Variants in HSDL2 observed in about 807,000 individuals in gnomAD.
HSDL2 encodes hydroxysteroid dehydrogenase like 2.
HSDL2 carries 27 observed loss-of-function variants against 46.3 expected under a neutral mutation model. That is an observed-to-expected ratio of 0.58 (90% confidence interval 0.43 to 0.80). The LOEUF (loss-of-function observed/expected upper bound fraction) is 0.80. HSDL2 is among the 30% of genes least tolerant of loss of function. HSDL2 has a pLI of 0.00. For synonymous variants in HSDL2, 153 were observed against 163.6 expected (o/e 0.94, Z 0.50); for missense variants, 451 against 502.7 (o/e 0.90, Z 0.98).
At chr9:112,449,732 G>A (rs59407950) in intron 8 of HSDL2, among the ~76,000 whole-genome samples, 1 of 151,830 alleles carries the variant, frequency 6.6e-6, no homozygotes, top group Admixed American at 6.6e-5. Context: ...GGGTGTGGTG[G>A]TGCACATCTG....
chr9:112,451,772 A>ATTTTTTTT, intron 8 of HSDL2, among the ~76,000 whole-genome samples: 1 of 152,078 alleles, frequency 6.6e-6, no homozygotes, highest in Non-Finnish European at 1.5e-5. Context: ...AGAGATTTGA[A>ATTTTTTTT]GGATCGGCAG....
intron 6 of HSDL2, among the ~76,000 whole-genome samples, chr9:112,428,877 G>A (rs1193998782): frequency 6.6e-6 from 1 of 152,014 alleles, no homozygotes; most frequent in Non-Finnish European, 1.5e-5. Flanking sequence ...TTCCCTCTTT[G>A]TACCTCCCTT....
chr9:112,418,180 G>A (rs1238749973), intron 5 of HSDL2, among the ~76,000 whole-genome samples: 1 of 152,104 alleles, frequency 6.6e-6, no homozygotes, highest in African/African-American at 2.4e-5. Context: ...AATATTAGGA[G>A]GGAGATATAT....
intron 1 of HSDL2, among the ~76,000 whole-genome samples, chr9:112,395,518 C>T (rs1831435374): frequency 6.6e-6 from 1 of 152,228 alleles, no homozygotes; most frequent in Non-Finnish European, 1.5e-5. Context: ...TGTTCAGCAG[C>T]ATTCCCTGAG....
At chr9:112,417,477 T>TAA (rs71491043) in intron 5 of HSDL2, among the ~76,000 whole-genome samples, 68 of 111,090 alleles carry the variant, frequency 6.1e-4, no homozygotes, top group African/African-American at 2.1e-3. Context: ...ACCCTGACTC[T>TAA]AAAAAAAAAA....
In HSDL2 at chr9:112,459,574, T is replaced by G. The variant is rs755528134; in HGVS notation, c.1141T>G (p.Ser381Ala). The G allele has an allele frequency of 8.1e-6, 13 of 1,613,120 alleles. No homozygotes were observed. In the Admixed American group the frequency reaches 2.2e-4, roughly 27 times the overall value. ...MTTDDFVKMF[S>A]GKLKPTMAFM... ...TACTGATGACTTTGTAAAAATGTTT[T>G]CAGGTGAGTTTTCCAGTTTATTAGT... Residue 381 changes from serine to alanine, a missense_variant, in exon 10 of 11, where the codon TCA becomes GCA. Transcript: ENST00000398805.
rs527930574 is a variant in HSDL2, at chr9:112,436,242, C to CAA, written c.599-2165_599-2164dup. Among the ~76,000 whole-genome samples, 311 of 77,404 alleles carry CAA rather than the reference C, an allele frequency of 4.0e-3. 2 individuals carry two copies. Among genetic ancestry groups the CAA allele is most frequent in the African/African-American group, 0.01 (233 of 22,314 alleles). The allele number at this position is 77,404 out of a possible 152,430, so 50.8% of individuals were successfully genotyped here. Reference sequence around the variant, plus strand: ...TGGGTGACAGTGTGAGACCCTATCTCAAAAAAAAAAAAAAAAAAAAAAAAA... The same window carrying CAA: ...TGGGTGACAGTGTGAGACCCTATCTCAAAAAAAAAAAAAAAAAAAAAAAAAAA... On this transcript the variant is annotated intron_variant, in intron 6 of 10. Coordinates refer to ENST00000398805, the MANE Select transcript of HSDL2 (RefSeq NM_032303.5).
intron 9 of HSDL2, among the ~76,000 whole-genome samples, chr9:112,457,092 G>A (rs1833054057): frequency 6.6e-6 from 1 of 152,006 alleles, no homozygotes; most frequent in Admixed American, 6.5e-5. Context: ...AGGTTGCGGT[G>A]AGCCCAGATC....
In HSDL2 at chr9:112,429,936, A is replaced by G. The variant is rs562120792; in HGVS notation, c.599-8495A>G. 4.6e-5 allele frequency among the ~76,000 whole-genome samples: 7 copies of G among 152,264 alleles called. No individual in the cohort carries two copies. In the South Asian group the frequency reaches 1.5e-3, roughly 32 times the overall value. Reference sequence around the variant, plus strand: ...GCAGAACTCCATATCTACAAAAAGTAGCAGGGTGTGGTGGTGTGCGCCTGT... The same window carrying G: ...GCAGAACTCCATATCTACAAAAAGTGGCAGGGTGTGGTGGTGTGCGCCTGT... On this transcript the variant is annotated intron_variant, in intron 6 of 10. Coordinates refer to ENST00000398805, the MANE Select transcript of HSDL2 (RefSeq NM_032303.5).
chr9:112,446,893 T>C (rs572878686), intron 8 of HSDL2, among the ~76,000 whole-genome samples: 5 of 152,326 alleles, frequency 3.3e-5, no homozygotes, highest in Non-Finnish European at 7.3e-5. Context: ...AGACAGCTTC[T>C]GATCTTAGTT....
intron 6 of HSDL2, among the ~76,000 whole-genome samples, chr9:112,429,000 G>A (rs1832320068): frequency 6.6e-6 from 1 of 152,196 alleles, no homozygotes; most frequent in South Asian, 2.1e-4. Flanking sequence ...CCAGGTTCAA[G>A]CGATTCTCAG....
At chr9:112,380,246 C>A in intron 1 of HSDL2, 66 bp downstream of exon 1, 1 of 1,467,328 alleles carries the variant, frequency 6.8e-7, no homozygotes, top group Non-Finnish European at 9.1e-7. Flanking sequence ...GGTGGGGCCG[C>A]CGCGGATCGC....
At position 112,459,806 on chromosome 9, in the gene HSDL2, A is replaced by G. The variant is rs370190190; in HGVS notation, c.1144+229A>G. Among the ~76,000 whole-genome samples, 4 of 152,310 alleles carry G rather than the reference A, an allele frequency of 2.6e-5. No homozygotes were observed. In the East Asian group the frequency reaches 7.7e-4, roughly 29 times the overall value. Reference sequence around the variant, plus strand: ...CTTCCATTACTGAGAAGCCAGTAATATAATGTTGGGAACAGTGAGATAATT... The same window carrying G: ...CTTCCATTACTGAGAAGCCAGTAATGTAATGTTGGGAACAGTGAGATAATT... On this transcript the variant is annotated intron_variant, in intron 10 of 10. Coordinates refer to ENST00000398805, the MANE Select transcript of HSDL2 (RefSeq NM_032303.5).
At chr9:112,404,333 C>T (rs574221340) in intron 2 of HSDL2, among the ~76,000 whole-genome samples, 175 bp downstream of exon 2, 1 of 152,230 alleles carries the variant, frequency 6.6e-6, no homozygotes, top group South Asian at 2.1e-4. Context: ...TTTTTCTCCA[C>T]CAGCACTTTT....
At chr9:112,434,591 T>C (rs1016328762) in intron 6 of HSDL2, among the ~76,000 whole-genome samples, 1 of 152,246 alleles carries the variant, frequency 6.6e-6, no homozygotes, top group Non-Finnish European at 1.5e-5. Flanking sequence ...TTTCTTTCTT[T>C]AGTGGTCCCT....
chr9:112,398,008 C>A (rs1831498551), intron 1 of HSDL2, among the ~76,000 whole-genome samples: 1 of 152,134 alleles, frequency 6.6e-6, no homozygotes, highest in East Asian at 1.9e-4. Flanking sequence ...ATGGAAGTTT[C>A]AAGAACAGGC....
intron 1 of HSDL2, among the ~76,000 whole-genome samples, chr9:112,399,623 A>C (rs527562894): frequency 2.0e-5 from 3 of 152,182 alleles, no homozygotes; most frequent in Non-Finnish European, 4.4e-5. Context: ...GGCCGTTTAT[A>C]GACCTCCCCC....
chr9:112,412,465 G>T (rs1316047499), intron 4 of HSDL2, among the ~76,000 whole-genome samples: 4 of 152,152 alleles, frequency 2.6e-5, no homozygotes, highest in African/African-American at 9.7e-5. Flanking sequence ...TTTTGCAGGG[G>T]TGCAGAAATT....
At chr9:112,383,035 C>T (rs949737904) in intron 1 of HSDL2, among the ~76,000 whole-genome samples, 4 of 147,640 alleles carry the variant, frequency 2.7e-5, no homozygotes, top group Non-Finnish European at 4.4e-5. Flanking sequence ...GAGATGGAAT[C>T]TTGCTCTGTA....
Sources: gnomAD v4.1 joint callset for allele counts (sites outside exome capture counted in the v4.1 genomes callset) on GRCh38, gnomAD v4.1.1 for gene constraint, MANE v1.5 for transcripts, NCBI Gene and HGNC (gene_info 2026-07-23, HGNC 2026-07-21) for gene names.